The following TLR2 variants were observed in gnomAD, a reference collection of about 807,000 sequenced individuals.
TLR2 encodes toll-like receptor 2.
A neutral mutation model predicts 9.1 loss-of-function variants in TLR2; 7 were observed. The ratio of observed to expected loss-of-function variants is 0.77; its 90% CI spans 0.44 to 1.44. TLR2 has a LOEUF of 1.44. TLR2 is among the 40% of genes most tolerant of loss of function. The pLI is 0.01. For missense variants in TLR2, 812 were observed against 904.6 expected, an observed-to-expected ratio of 0.90 and a Z score of 1.31; for synonymous variants, 317 against 344.6, an observed-to-expected ratio of 0.92 and a Z score of 0.89.
chr4:153,689,070 CTG>C (rs1382474415), intron 2 of TLR2, among the ~76,000 whole-genome samples: 1 of 152,222 alleles, frequency 6.6e-6, no homozygotes, highest in Non-Finnish European at 1.5e-5. Context: ...CACTGCTAAT[CTG>C]TCTGCAGCTC....
In TLR2 at chr4:153,705,706, T is replaced by C. The variant is rs1322468602; in HGVS notation, c.*444T>C. Reference sequence around the variant, plus strand: ...TACAATGTAAATACTATGTAAATAGTTGTACTGTCTTTTTATTTATATTAT... The same window carrying C: ...TACAATGTAAATACTATGTAAATAGCTGTACTGTCTTTTTATTTATATTAT... On this transcript the variant is annotated 3_prime_UTR_variant, in exon 3 of 3. Coordinates refer to ENST00000642700, the MANE Select transcript of TLR2 (RefSeq NM_001318789.2). The C allele has an allele frequency of 6.0e-6, 1 of 166,774 alleles. No individual in the cohort carries two copies. The highest frequency in any genetic ancestry group is 1.9e-4 in the East Asian group (1 of 5,206). The allele number at this position is 166,774 out of a possible 1,614,324, so 10.3% of individuals were successfully genotyped here. A position where few individuals can be genotyped will look rare whatever the true frequency, so the allele number is the denominator to read the frequency against.
chr4:153,703,064 G>A lies in TLR2; in HGVS notation c.157G>A (p.Ala53Thr). Residue 53 changes from alanine to threonine, a missense_variant, in exon 3 of 3, where the codon GCT becomes ACT. Coordinates refer to ENST00000642700, the MANE Select transcript of TLR2 (RefSeq NM_001318789.2). ...LNSIPSGLTE[A>T]VKSLDLSNNR... ...CTCCATTCCCTCAGGGCTCACAGAAGCTGTAAAAAGCCTTGACCTGTCCAA... is the reference window on the plus strand; with the variant it reads ...CTCCATTCCCTCAGGGCTCACAGAAACTGTAAAAAGCCTTGACCTGTCCAA... 1 of 1,614,036 alleles carries A rather than the reference G, an allele frequency of 6.2e-7. No individual in the cohort carries two copies. Among genetic ancestry groups the A allele is most frequent in the Non-Finnish European group, 8.5e-7 (1 of 1,180,018 alleles).
In TLR2 at chr4:153,703,075, C is replaced by G. The variant is rs200432094; in HGVS notation, c.168C>G (p.Ser56Arg). The G allele has an allele frequency of 7.4e-6, 12 of 1,613,904 alleles. No homozygotes were observed. The highest frequency in any genetic ancestry group is 1.7e-6 in the Non-Finnish European group (2 of 1,180,012). ...IPSGLTEAVK[S>R]LDLSNNRITY... Reference sequence around the variant, plus strand: ...CAGGGCTCACAGAAGCTGTAAAAAGCCTTGACCTGTCCAACAACAGGATCA... The same window carrying G: ...CAGGGCTCACAGAAGCTGTAAAAAGGCTTGACCTGTCCAACAACAGGATCA... Residue 56 changes from serine to arginine, a missense_variant, in exon 3 of 3, where the codon AGC becomes AGG. Ser to Arg is a moderately radical substitution (Grantham distance 110). Transcript: ENST00000642700.
intron 2 of TLR2, among the ~76,000 whole-genome samples, chr4:153,691,419 C>T (rs1486458744): frequency 8.5e-5 from 13 of 152,198 alleles, no homozygotes; most frequent in East Asian, 3.9e-4. Flanking sequence ...TTCTTATCAT[C>T]GTAGCCATTT....
Position 153,704,429 on chromosome 4 carries a change from A to G in TLR2, c.1522A>G (p.Arg508Gly), listed in dbSNP as rs991641964. The change falls in exon 3 of 3, where the codon AGG becomes GGG. Residue 508 changes from arginine (R) to glycine (G), a missense_variant. Coordinates refer to ENST00000642700, the MANE Select transcript of TLR2 (RefSeq NM_001318789.2). The part of the protein sequence containing the change: ...LPMLLVLKIS[R>G]NAITTFSKEQ... ...CATGTTACTAGTATTGAAAATCAGT[A>G]GGAATGCAATAACTACGTTTTCTAA... 4 of 1,614,066 alleles carry G rather than the reference A, an allele frequency of 2.5e-6. No homozygotes were observed. Among genetic ancestry groups the G allele is most frequent in the Non-Finnish European group, 3.4e-6 (4 of 1,180,038 alleles).
rs149071653 is a variant in TLR2, at chr4:153,693,536, A to G, written c.-17+5489A>G. ...TCACTGGGGCGACTACTTTTTGCCC[A>G]GTGTCCTCTGGAAAAGAAAGATCTG... On this transcript the variant is annotated intron_variant, in intron 2 of 2. Transcript: ENST00000642700. Among the ~76,000 whole-genome samples the G allele has an allele frequency of 5.0e-3, 760 of 152,282 alleles. 7 individuals carry two copies. Among genetic ancestry groups the G allele is most frequent in the African/African-American group, 0.018 (729 of 41,562 alleles).
At chr4:153,697,979 G>A (rs1736620755) in intron 2 of TLR2, among the ~76,000 whole-genome samples, 2 of 152,070 alleles carry the variant, frequency 1.3e-5, no homozygotes, top group Non-Finnish European at 2.9e-5. Context: ...CTTTAACCAA[G>A]TCCATTTTAA....
intron 2 of TLR2, 152 bp from the exon 3 acceptor site, chr4:153,702,738 ATC>A: frequency 1.5e-6 from 1 of 675,612 alleles, no homozygotes; most frequent in Non-Finnish European, 2.4e-6. Context: ...CGTTCCATTC[ATC>A]TGTTTCTCTC....
At chr4:153,702,842 A>G (rs1272612555) in intron 2 of TLR2, 50 bp from the exon 3 acceptor site, 1 of 1,482,450 alleles carries the variant, frequency 6.7e-7, no homozygotes, top group Non-Finnish European at 9.1e-7. Context: ...AATTAGAATT[A>G]CGATATGCTG....
At chr4:153,687,357 T>G (rs922787394) in intron 1 of TLR2, among the ~76,000 whole-genome samples, 22 of 152,146 alleles carry the variant, frequency 1.4e-4, no homozygotes, top group African/African-American at 2.4e-5. Context: ...AAATAGGGGA[T>G]CTATCAAGTC....
In TLR2 at chr4:153,705,982, G is replaced by A. The variant is rs1052900652; in HGVS notation, c.*720G>A. On this transcript the variant is annotated 3_prime_UTR_variant, in exon 3 of 3. Coordinates refer to ENST00000642700, the MANE Select transcript of TLR2 (RefSeq NM_001318789.2). ...TACCTAGCTGTCACTTCTCTGTGCA[G>A]CTGATCTCAAGAGCAACAAGGCAAA... Among the ~76,000 whole-genome samples the A allele has an allele frequency of 1.3e-5, 2 of 152,208 alleles. No individual in the cohort carries two copies. The highest frequency in any genetic ancestry group is 4.8e-5 in the African/African-American group (2 of 41,466).
chr4:153,689,684 A>G (rs1178410013), intron 2 of TLR2, among the ~76,000 whole-genome samples: 2 of 152,226 alleles, frequency 1.3e-5, no homozygotes, highest in Admixed American at 6.5e-5. Context: ...TCCAGGCATT[A>G]TTGCCAGCCA....
intron 2 of TLR2, among the ~76,000 whole-genome samples, chr4:153,693,738 G>A (rs1736286573): frequency 6.6e-6 from 1 of 152,152 alleles, no homozygotes; most frequent in African/African-American, 2.4e-5. Flanking sequence ...AGGTTCCAAG[G>A]TGGAATGAGC....
intron 2 of TLR2, among the ~76,000 whole-genome samples, chr4:153,690,937 C>T (rs1736068216): frequency 6.6e-6 from 1 of 152,224 alleles, no homozygotes; most frequent in Admixed American, 6.5e-5. Context: ...TAAATAAAGT[C>T]ATCAGTTGTT....
intron 2 of TLR2, among the ~76,000 whole-genome samples, chr4:153,693,720 G>C (rs1343204577): frequency 6.6e-6 from 1 of 152,108 alleles, no homozygotes; most frequent in Non-Finnish European, 1.5e-5. Flanking sequence ...CTCATCTTTA[G>C]TGTGAAAAGG....
chr4:153,705,204 T>C lies in TLR2; in HGVS notation c.2297T>C (p.Met766Thr). Residue 766 changes from methionine to threonine, a missense_variant, in exon 3 of 3, where the codon ATG becomes ACG. By Grantham distance (81) the Met-to-Thr change is moderately conservative. Transcript: ENST00000642700. Reference sequence around the variant, plus strand: ...ACCAAGACCTACCTGGAGTGGCCCATGGACGAGGCTCAGCGGGAAGGATTT... The same window carrying C: ...ACCAAGACCTACCTGGAGTGGCCCACGGACGAGGCTCAGCGGGAAGGATTT... ...MNTKTYLEWP[M>T]DEAQREGFWV... 1 of 1,609,912 alleles carries C rather than the reference T, an allele frequency of 6.2e-7. No individual in the cohort carries two copies. The highest frequency in any genetic ancestry group is 8.5e-7 in the Non-Finnish European group (1 of 1,177,166).
Position 153,704,892 on chromosome 4 carries a change from A to G in TLR2, c.1985A>G (p.Glu662Gly). The change falls in exon 3 of 3, where the codon GAG (glutamate) becomes GGG (glycine). Residue 662 changes from glutamate (E) to glycine (G), a missense_variant. Coordinates refer to ENST00000642700, the MANE Select transcript of TLR2 (RefSeq NM_001318789.2). ...AYWVENLMVQ[E>G]LENFNPPFKL... is the part of the protein sequence containing the mutation. ...TGGGTGGAGAACCTTATGGTCCAGGAGCTGGAGAACTTCAATCCCCCCTTC... is the reference window on the plus strand; with the variant it reads ...TGGGTGGAGAACCTTATGGTCCAGGGGCTGGAGAACTTCAATCCCCCCTTC... 1 of 1,613,620 alleles carries G rather than the reference A, an allele frequency of 6.2e-7. No individual in the cohort carries two copies.
intron 2 of TLR2, among the ~76,000 whole-genome samples, chr4:153,689,192 A>T (rs971281381): frequency 6.6e-6 from 1 of 152,168 alleles, no homozygotes; most frequent in Non-Finnish European, 1.5e-5. Flanking sequence ...AGTGTCTTCT[A>T]GGTGCTTTTT....
chr4:153,696,544 A>G (rs1379073517), intron 2 of TLR2, among the ~76,000 whole-genome samples: 4 of 152,106 alleles, frequency 2.6e-5, no homozygotes, highest in Non-Finnish European at 5.9e-5. Flanking sequence ...TTGTATGTTG[A>G]TTTTGTATAC....
Sources: gnomAD v4.1 joint callset for allele counts (sites outside exome capture counted in the v4.1 genomes callset) on GRCh38, gnomAD v4.1.1 for gene constraint, MANE v1.5 for transcripts, NCBI Gene and HGNC (gene_info 2026-07-23, HGNC 2026-07-21) for gene names.